XPNPEP3: variants seen among roughly 807,000 people sequenced by gnomAD.
XPNPEP3 encodes the protein xaa-Pro aminopeptidase 3.
A neutral mutation model predicts 60.0 loss-of-function variants in XPNPEP3; 41 were observed. That is an observed-to-expected ratio of 0.68 (90% CI 0.53 to 0.89). XPNPEP3 has a LOEUF of 0.89. Among genes scored for constraint, XPNPEP3 ranks in the 40% least tolerant of loss-of-function variants. The probability of loss-of-function intolerance (pLI) is 0.00; values close to 1 mark genes in which losing one functional copy is unlikely to be tolerated. For missense variants in XPNPEP3, 598 were observed against 638.9 expected, an observed-to-expected ratio of 0.94 and a Z score of 0.69; for synonymous variants, 212 against 223.2, an observed-to-expected ratio of 0.95 and a Z score of 0.45.
intron 4 of XPNPEP3, among the ~76,000 whole-genome samples, chr22:40,905,482 T>C (rs2058151178): frequency 6.6e-6 from 1 of 152,148 alleles, no homozygotes; most frequent in Non-Finnish European, 1.5e-5. Context: ...GTGAGCACAA[T>C]AGACTATCCA....
intron 2 of XPNPEP3, among the ~76,000 whole-genome samples, chr22:40,880,953 A>G (rs1156964740): frequency 6.6e-6 from 1 of 152,160 alleles, no homozygotes; most frequent in African/African-American, 2.4e-5. Flanking sequence ...GCTCATAAAC[A>G]TGGAGGTTTT....
At chr22:40,922,602 T>C in intron 8 of XPNPEP3, 89 bp downstream of exon 8, 1 of 1,464,590 alleles carries the variant, frequency 6.8e-7, no homozygotes, top group Non-Finnish European at 9.4e-7. Flanking sequence ...GACTTAGAAA[T>C]GGGACAGATG....
intron 1 of XPNPEP3, chr22:40,861,676 A>G (rs745609459): frequency 6.2e-7 from 1 of 1,614,168 alleles, no homozygotes; most frequent in East Asian, 2.2e-5. Flanking sequence ...TGAAAAGAAA[A>G]TGGATCCCTT....
At chr22:40,874,529 A>G (rs1300990485) in intron 2 of XPNPEP3, among the ~76,000 whole-genome samples, 1 of 151,986 alleles carries the variant, frequency 6.6e-6, no homozygotes, top group Non-Finnish European at 1.5e-5. Flanking sequence ...GGGGTCAAAC[A>G]ATCTTCCTGT....
intron 2 of XPNPEP3, among the ~76,000 whole-genome samples, chr22:40,877,926 T>C (rs192672657): frequency 2.0e-5 from 3 of 152,264 alleles, no homozygotes; most frequent in Admixed American, 2.0e-4. Flanking sequence ...ATTTTTTGTT[T>C]CTGGGTACAG....
At chr22:40,890,140 A>T (rs2058083315) in intron 4 of XPNPEP3, among the ~76,000 whole-genome samples, 1 of 152,238 alleles carries the variant, frequency 6.6e-6, no homozygotes, top group Non-Finnish European at 1.5e-5. Flanking sequence ...GTATTATACT[A>T]AATTTTATAA....
chr22:40,857,391 C>G (rs1466380317), intron 1 of XPNPEP3, 146 bp downstream of exon 1: 1 of 928,572 alleles, frequency 1.1e-6, no homozygotes, highest in Non-Finnish European at 1.7e-6. Flanking sequence ...TCTTCTATAC[C>G]GGCTGCTCCT....
At chr22:40,898,736 A>G (rs1490360654) in intron 4 of XPNPEP3, among the ~76,000 whole-genome samples, 1 of 152,158 alleles carries the variant, frequency 6.6e-6, no homozygotes, top group Non-Finnish European at 1.5e-5. Context: ...CTGAGATCTA[A>G]CAGCAAAGTC....
At chr22:40,861,667 G>C (rs2057948386) in intron 1 of XPNPEP3, 1 of 1,613,992 alleles carries the variant, frequency 6.2e-7, no homozygotes, top group Non-Finnish European at 8.5e-7. Context: ...TCAAAGAAGT[G>C]AAAAGAAAAT....
In XPNPEP3 at chr22:40,929,386, T is replaced by G. The variant is rs1434026084; in HGVS notation, c.*2951T>G. On this transcript the variant is annotated 3_prime_UTR_variant, in exon 10 of 10. Coordinates refer to ENST00000357137, the MANE Select transcript of XPNPEP3 (RefSeq NM_022098.4). Reference sequence around the variant, plus strand: ...TTTTGTATTTTAAATAGAGACGAGGTTTCACTGTGTTGGCCAGGCTGGTCT... The same window carrying G: ...TTTTGTATTTTAAATAGAGACGAGGGTTCACTGTGTTGGCCAGGCTGGTCT... 6.6e-6 allele frequency: 1 copy of G among 152,002 alleles called. No homozygotes were observed. Among genetic ancestry groups the G allele is most frequent in the African/African-American group, 2.4e-5 (1 of 41,370 alleles). The allele number at this position is 152,002 out of a possible 1,614,324, so 9.4% of individuals were successfully genotyped here.
rs1048959396 is a variant in XPNPEP3 at position 40,865,324 on chromosome 22, A to G, written c.65-3675A>G. On this transcript the variant is annotated intron_variant, in intron 1 of 9. Coordinates refer to ENST00000357137, the MANE Select transcript of XPNPEP3 (RefSeq NM_022098.4). ...ACTTGCCACACTGTGAGCCCTCCTC[A>G]CTTTTTTTTTTTTTTTTTTTTGAGA... Among the ~76,000 whole-genome samples the G allele has an allele frequency of 3.0e-4, 30 of 99,184 alleles. No individual in the cohort carries two copies. The Admixed American group carries it at 3.9e-3, about 13-fold the overall frequency. The allele number at this position is 99,184 out of a possible 152,430, so 65.1% of individuals were successfully genotyped here.
At chr22:40,861,602 G>C in intron 1 of XPNPEP3, 2 of 1,612,920 alleles carry the variant, frequency 1.2e-6, no homozygotes, top group East Asian at 2.2e-5. Context: ...CTGCATCTCT[G>C]TTTCTGTTTC....
At chr22:40,859,557 A>G (rs2145762908) in intron 1 of XPNPEP3, 1 of 152,284 alleles carries the variant, frequency 6.6e-6, no homozygotes, top group East Asian at 1.9e-4. Context: ...CATTTAAAAT[A>G]CCCTGGGCTT....
intron 7 of XPNPEP3, among the ~76,000 whole-genome samples, chr22:40,915,897 A>G (rs2058194358): frequency 6.6e-6 from 1 of 152,240 alleles, no homozygotes; most frequent in South Asian, 2.1e-4. Context: ...GTTGCTTCCC[A>G]GTGAGAACAG....
At chr22:40,876,684 A>G (rs2058028647) in intron 2 of XPNPEP3, among the ~76,000 whole-genome samples, 2 of 152,154 alleles carry the variant, frequency 1.3e-5, no homozygotes, top group East Asian at 1.9e-4. Context: ...TTGCTAAGCC[A>G]GGATTCCAAC....
At chr22:40,865,328 T>C (rs1234590201) in intron 1 of XPNPEP3, among the ~76,000 whole-genome samples, 1 of 117,928 alleles carries the variant, frequency 8.5e-6, no homozygotes, top group Non-Finnish European at 1.7e-5. Flanking sequence ...CTCCTCACTT[T>C]TTTTTTTTTT....
chr22:40,900,806 TC>T (rs2058129153), intron 4 of XPNPEP3, among the ~76,000 whole-genome samples: 1 of 151,414 alleles, frequency 6.6e-6, no homozygotes, highest in Admixed American at 6.6e-5. Context: ...GGTGGCATGT[TC>T]CTGTAATTTC....
At chr22:40,903,610 C>T (rs940690223) in intron 4 of XPNPEP3, among the ~76,000 whole-genome samples, 7 of 151,932 alleles carry the variant, frequency 4.6e-5, no homozygotes, top group Non-Finnish European at 1.0e-4. Flanking sequence ...CTGCCTCAGC[C>T]TCCCAAGTAG....
intron 2 of XPNPEP3, chr22:40,870,307 A>G: frequency 3.4e-6 from 1 of 297,294 alleles, no homozygotes; most frequent in Non-Finnish European, 6.7e-6. Flanking sequence ...TGCATTTTCC[A>G]GGCCTTAAAC....
Sources: allele counts gnomAD v4.1 joint callset (sites outside exome capture counted in the v4.1 genomes callset), GRCh38; gene constraint gnomAD v4.1.1; transcripts MANE v1.5; gene names NCBI Gene and HGNC (gene_info 2026-07-23, HGNC 2026-07-21).